Variants in CADPS2 observed in about 807,000 individuals in gnomAD.
The protein encoded by CADPS2 is calcium-dependent secretion activator 2.
Under a neutral mutation model 172.5 loss-of-function variants are expected in CADPS2, and 93 were observed. That is an observed-to-expected ratio of 0.54 (90% confidence interval 0.46 to 0.64). The LOEUF (loss-of-function observed/expected upper bound fraction) is 0.64, where lower values mean the gene tolerates loss of function less well. CADPS2 is among the 30% of genes least tolerant of loss of function. The pLI, the probability that CADPS2 is intolerant of heterozygous loss-of-function variation, is 0.00. For synonymous variants in CADPS2, 546 were observed against 555.2 expected, an observed-to-expected ratio of 0.98 and a Z score of 0.23; for missense variants, 1,420 against 1,565.9, an observed-to-expected ratio of 0.91 and a Z score of 1.57.
At chr7:122,414,850 T>C (rs1563278422) in intron 18 of CADPS2, among the ~76,000 whole-genome samples, 1 of 152,206 alleles carries the variant, frequency 6.6e-6, no homozygotes, top group South Asian at 2.1e-4. Context: ...CTTCATTAAA[T>C]ACAAAAATTC....
intron 1 of CADPS2, among the ~76,000 whole-genome samples, chr7:122,805,774 GCCCTATAA>G (rs1798673838): frequency 6.6e-6 from 1 of 152,098 alleles, no homozygotes; most frequent in Admixed American, 6.6e-5. Context: ...GGAAATACGT[GCCCTATAA>G]CTCACAAGAG....
chr7:122,639,281 C>T (rs903927637), intron 3 of CADPS2, among the ~76,000 whole-genome samples: 6 of 152,062 alleles, frequency 3.9e-5, no homozygotes, highest in African/African-American at 9.7e-5. Context: ...TTATTTTCGA[C>T]ATAATTTATT....
chr7:122,772,989 G>A (rs1562979164), intron 1 of CADPS2, among the ~76,000 whole-genome samples: 1 of 152,134 alleles, frequency 6.6e-6, no homozygotes, highest in East Asian at 1.9e-4. Context: ...CAACAAATGG[G>A]AAGAAAATGG....
chr7:122,571,802 A>G (rs2067294564), intron 7 of CADPS2, among the ~76,000 whole-genome samples: 1 of 152,188 alleles, frequency 6.6e-6, no homozygotes, highest in South Asian at 2.1e-4. Context: ...ATGTAACTGG[A>G]CCACGGAATT....
intron 27 of CADPS2, among the ~76,000 whole-genome samples, chr7:122,357,885 G>A (rs2039625473): frequency 6.6e-6 from 1 of 152,124 alleles, no homozygotes; most frequent in African/African-American, 2.4e-5. Context: ...CGTACTACAG[G>A]ACAATTTTGG....
chr7:122,716,736 C>A (rs1157726028), intron 2 of CADPS2, among the ~76,000 whole-genome samples: 2 of 152,158 alleles, frequency 1.3e-5, no homozygotes, highest in African/African-American at 2.4e-5. Context: ...TCCTTCCAGC[C>A]TCATCTACCA....
chr7:122,866,089 C>T (rs1818247442), intron 1 of CADPS2, among the ~76,000 whole-genome samples: 1 of 152,168 alleles, frequency 6.6e-6, no homozygotes, highest in Admixed American at 6.6e-5. Flanking sequence ...CAGGGGACTG[C>T]TGCTTTCTAT....
At chr7:122,470,234 G>T (rs2055736990) in intron 14 of CADPS2, among the ~76,000 whole-genome samples, 1 of 151,838 alleles carries the variant, frequency 6.6e-6, no homozygotes, top group Admixed American at 6.6e-5. Flanking sequence ...ACATACATAG[G>T]CCAGAAAAAA....
chr7:122,459,822 G>A (rs1292090873), intron 14 of CADPS2, among the ~76,000 whole-genome samples: 2 of 152,200 alleles, frequency 1.3e-5, no homozygotes, highest in Non-Finnish European at 2.9e-5. Context: ...GGGACACAAT[G>A]TAAGCACAAC....
At chr7:122,642,247 T>C (rs1282281704) in intron 3 of CADPS2, among the ~76,000 whole-genome samples, 1 of 142,232 alleles carries the variant, frequency 7.0e-6, no homozygotes, top group Non-Finnish European at 1.5e-5. Context: ...ATTACTGCAC[T>C]CCAGCCTGGA....
chr7:122,807,295 C>G (rs988391328), intron 1 of CADPS2, among the ~76,000 whole-genome samples: 1 of 152,212 alleles, frequency 6.6e-6, no homozygotes, highest in Non-Finnish European at 1.5e-5. Flanking sequence ...AGCCAGTGAT[C>G]ATATCCCCAG....
intron 8 of CADPS2, among the ~76,000 whole-genome samples, chr7:122,514,482 C>T (rs2060212247): frequency 6.6e-6 from 1 of 151,818 alleles, no homozygotes; most frequent in Non-Finnish European, 1.5e-5. Flanking sequence ...CTGTTTGCCC[C>T]CCTCCCCCCT....
intron 5 of CADPS2, among the ~76,000 whole-genome samples, chr7:122,621,194 G>A (rs1347329617): frequency 1.3e-5 from 2 of 151,998 alleles, no homozygotes; most frequent in East Asian, 3.9e-4. Flanking sequence ...GAGCCCCAAT[G>A]CTCATCTTAT....
chr7:122,830,305 A>G (rs147394134), intron 1 of CADPS2, among the ~76,000 whole-genome samples: 2 of 152,312 alleles, frequency 1.3e-5, no homozygotes, highest in African/African-American at 4.8e-5. Context: ...CTATTTTAAG[A>G]GAAATAAGGA....
At chr7:122,540,416 A>C (rs1212058362) in intron 8 of CADPS2, among the ~76,000 whole-genome samples, 1 of 152,112 alleles carries the variant, frequency 6.6e-6, no homozygotes, top group Non-Finnish European at 1.5e-5. Context: ...GAAACATTTA[A>C]AGTTTTATGA....
intron 8 of CADPS2, among the ~76,000 whole-genome samples, chr7:122,551,645 C>A (rs2064316386): frequency 2.0e-5 from 3 of 152,012 alleles, no homozygotes; most frequent in Non-Finnish European, 4.4e-5. Context: ...CCATTATCCT[C>A]CAATTTATTT....
intron 1 of CADPS2, among the ~76,000 whole-genome samples, chr7:122,821,585 G>A (rs549298347): frequency 1.6e-4 from 25 of 152,208 alleles, no homozygotes; most frequent in East Asian, 1.6e-3. Context: ...GATGGCCACC[G>A]CAGTCATTTC....
chr7:122,515,967 A>G (rs2060343753), intron 8 of CADPS2, among the ~76,000 whole-genome samples: 1 of 152,020 alleles, frequency 6.6e-6, no homozygotes, highest in Admixed American at 6.6e-5. Context: ...AAGAATAATA[A>G]TCAGCTGCAA....
intron 28 of CADPS2, among the ~76,000 whole-genome samples, chr7:122,337,863 A>G (rs2036125826): frequency 6.6e-6 from 1 of 152,202 alleles, no homozygotes; most frequent in Non-Finnish European, 1.5e-5. Context: ...AAGAGGTCAA[A>G]CAACTTCAGT....
Sources: allele counts gnomAD v4.1 joint callset (sites outside exome capture counted in the v4.1 genomes callset), GRCh38; gene constraint gnomAD v4.1.1; transcripts MANE v1.5; gene names NCBI Gene and HGNC (gene_info 2026-07-23, HGNC 2026-07-21).